MYO18B: variants seen among roughly 807,000 people sequenced by gnomAD.
MYO18B encodes the protein unconventional myosin-XVIIIb.
Under a neutral mutation model 273.0 loss-of-function variants are expected in MYO18B, and 204 were observed. That is an observed-to-expected ratio of 0.75 (90% CI 0.67 to 0.84). MYO18B has a LOEUF of 0.84. Ranked by LOEUF, MYO18B falls within the 40% of genes least tolerant of loss-of-function variation. The probability of loss-of-function intolerance (pLI) is 0.00; values close to 1 mark genes in which losing one functional copy is unlikely to be tolerated. For missense variants in MYO18B, 3,212 were observed against 3,287.6 expected (o/e 0.98, Z 0.56); for synonymous variants, 1,330 against 1,305.7 (o/e 1.02, Z -0.40).
At chr22:25,953,667 T>C (rs1601674556) in intron 38 of MYO18B, 1 of 152,304 alleles carries the variant, frequency 6.6e-6, no homozygotes, top group Non-Finnish European at 1.5e-5. Context: ...TCTACTATAT[T>C]TTAAATAATT....
At position 25,768,618 on chromosome 22, in the gene MYO18B, CGAG is replaced by C; in HGVS notation, c.707_709del (p.Glu236del). 1 of 1,525,288 alleles carries C rather than the reference CGAG, an allele frequency of 6.6e-7. No individual in the cohort carries two copies. The highest frequency in any genetic ancestry group is 2.3e-5 in the East Asian group (1 of 44,156). 94.5% of individuals were successfully genotyped at this position (1,525,288 alleles called of 1,614,324 possible). The stretch of plus-strand genomic sequence containing the variant: ...AAGGAACTGTGGCACTGAAAAAAGG[CGAG>C]GAGGGTCAAAGCATAGTGGGGAAGG... On this transcript the variant is annotated inframe_deletion, in exon 4 of 44. Coordinates refer to ENST00000335473, the MANE Select transcript of MYO18B (RefSeq NM_032608.7).
intron 5 of MYO18B, among the ~76,000 whole-genome samples, chr22:25,770,386 C>A (rs376232011): frequency 6.6e-6 from 1 of 152,194 alleles, no homozygotes; most frequent in Admixed American, 6.5e-5. Flanking sequence ...TTTCTTCCTA[C>A]GGCGTTCTTC....
Position 25,958,603 on chromosome 22 carries a change from C to G in MYO18B, c.6156+3239C>G, listed in dbSNP as rs545895616. On this transcript the variant is annotated intron_variant, in intron 39 of 43. Coordinates refer to ENST00000335473, the MANE Select transcript of MYO18B (RefSeq NM_032608.7). The stretch of plus-strand genomic sequence containing the variant: ...TATGAGCATGGCACAGGGATAGGCA[C>G]TGGTGAGGAAGGGCAAGGAATCATA... Among the ~76,000 whole-genome samples the G allele has an allele frequency of 5.3e-5, 8 of 152,246 alleles. No homozygotes were observed. In the South Asian group the frequency reaches 1.7e-3, roughly 32 times the overall value.
At chr22:26,035,014 C>T (rs940531312), downstream of MYO18B, among the ~76,000 whole-genome samples, 2 of 152,182 alleles carry the variant, frequency 1.3e-5, no homozygotes, top group African/African-American at 4.8e-5. Context: ...CTTGGAAATA[C>T]ATACATTGGC....
At chr22:25,867,113 G>T (rs1195785756) in intron 21 of MYO18B, among the ~76,000 whole-genome samples, 1 of 151,702 alleles carries the variant, frequency 6.6e-6, no homozygotes, top group Non-Finnish European at 1.5e-5. Flanking sequence ...AGTTTTTGTT[G>T]TGTGTGTGTA....
Position 26,027,016 on chromosome 22 carries a change from T to C in MYO18B, c.7042T>C (p.Phe2348Leu). 1 of 1,613,920 alleles carries C rather than the reference T, an allele frequency of 6.2e-7. No homozygotes were observed. The highest frequency in any genetic ancestry group is 8.5e-7 in the Non-Finnish European group (1 of 1,179,868). The change falls in exon 43 of 44, where the codon TTC (phenylalanine) becomes CTC (leucine). Residue 2348 changes from phenylalanine to leucine, a missense_variant. Physicochemically the swap from Phe to Leu is conservative, Grantham distance 22. Coordinates refer to ENST00000335473, the MANE Select transcript of MYO18B (RefSeq NM_032608.7). This position sits in a 1 kb window ranked among gnomAD's most constrained non-coding sequence, Gnocchi z 4.1. ...ACTCCCCGAAAAGTCGAAAACCCAA[T>C]TCAGTTCCTGCGAGTCCCTCTTAGA... ...TLLPEKSKTQFSSCESLLESR... is the reference protein window; with the variant it reads ...TLLPEKSKTQLSSCESLLESR...
At chr22:25,848,196 G>A (rs565326304) in intron 20 of MYO18B, among the ~76,000 whole-genome samples, 1 of 152,134 alleles carries the variant, frequency 6.6e-6, no homozygotes, top group African/African-American at 2.4e-5. Flanking sequence ...TGATGTTCAC[G>A]ATGCTCAGTT....
At chr22:25,876,103 C>T in intron 23 of MYO18B, 86 bp from the exon 24 acceptor site, 2 of 1,412,702 alleles carry the variant, frequency 1.4e-6, no homozygotes, top group Middle Eastern at 1.8e-4. Context: ...TCCTCCAGCC[C>T]CTTTGCTACC....
chr22:25,919,666 TTGTGTGTGTGTATGTGTG>T (rs926088460), intron 33 of MYO18B, among the ~76,000 whole-genome samples: 21 of 138,478 alleles, frequency 1.5e-4, no homozygotes, highest in Middle Eastern at 3.6e-3. Context: ...GCAGGTGAGA[TTGTGTGTGTGTATGTGTG>T]TGTGTGTGTG....
intron 42 of MYO18B, among the ~76,000 whole-genome samples, chr22:26,024,781 G>T (rs1936115951): frequency 6.6e-6 from 1 of 152,198 alleles, no homozygotes; most frequent in Non-Finnish European, 1.5e-5. Context: ...TGTCCTCAGG[G>T]GCGCTCAGGA....
intron 12 of MYO18B, among the ~76,000 whole-genome samples, chr22:25,806,689 T>A (rs1371282455): frequency 6.6e-6 from 1 of 152,208 alleles, no homozygotes; most frequent in East Asian, 1.9e-4. Flanking sequence ...CTTCTCTCCT[T>A]TGGCAAAAAG....
chr22:25,805,579 T>C (rs887610617), intron 12 of MYO18B, among the ~76,000 whole-genome samples: 14 of 152,286 alleles, frequency 9.2e-5, no homozygotes, highest in Admixed American at 9.1e-4. Context: ...TTCCCCATCC[T>C]TTCTACCCCG....
At chr22:25,746,810 A>G (rs1443962845) in intron 1 of MYO18B, among the ~76,000 whole-genome samples, 4 of 152,226 alleles carry the variant, frequency 2.6e-5, no homozygotes, top group South Asian at 2.1e-4. Flanking sequence ...AGGTAGCAAC[A>G]CAGTAGTGGA....
the MYO18B span, among the ~76,000 whole-genome samples, chr22:26,060,493 G>A: frequency 9.2e-5 from 14 of 152,362 alleles, no homozygotes; most frequent in East Asian, 2.1e-3. Context: ...GTGTGTTTGA[G>A]GCTCCTGGGT....
intron 42 of MYO18B, among the ~76,000 whole-genome samples, chr22:26,024,058 G>A (rs190292890): frequency 1.3e-5 from 2 of 152,252 alleles, no homozygotes; most frequent in East Asian, 1.9e-4. Context: ...TTCTTCTTAC[G>A]GTGAGACAGA....
chr22:25,842,154 G>T (rs909727603), intron 17 of MYO18B, among the ~76,000 whole-genome samples: 2 of 152,224 alleles, frequency 1.3e-5, no homozygotes, highest in East Asian at 3.8e-4. Context: ...AAAGGCTCAC[G>T]AAAGCCGCAG....
intron 7 of MYO18B, 29 bp from the exon 8 acceptor site, chr22:25,777,554 G>A (rs1246552951): frequency 1.9e-6 from 3 of 1,556,966 alleles, no homozygotes; most frequent in Non-Finnish European, 2.6e-6. Context: ...GGCTGGATGG[G>A]ATGGCTGATA....
chr22:25,906,137 C>T (rs2092037813), intron 31 of MYO18B, among the ~76,000 whole-genome samples: 1 of 152,186 alleles, frequency 6.6e-6, no homozygotes, highest in African/African-American at 2.4e-5. Flanking sequence ...CACCCATAAC[C>T]TCAGGCTGCA....
rs752502738 is a variant in MYO18B, at chr22:26,026,501, G to A, written c.6527G>A (p.Arg2176Lys). Reference sequence around the variant, plus strand: ...ACCCAGTCGGCATTGGCACTGAGCAGAGCCCGGTCCACCAATGTCCACAGC... The same window carrying A: ...ACCCAGTCGGCATTGGCACTGAGCAAAGCCCGGTCCACCAATGTCCACAGC... Reference protein sequence around the residue: ...ERTQSALALSRARSTNVHSKT... With the variant: ...ERTQSALALSKARSTNVHSKT... The change falls in exon 43 of 44, where the codon AGA (arginine) becomes AAA (lysine). Residue 2176 changes from arginine to lysine, a missense_variant. By Grantham distance (26) the Arg-to-Lys change is conservative. Transcript: ENST00000335473. 5.6e-6 allele frequency: 9 copies of A among 1,613,810 alleles called. No homozygotes were observed. The highest frequency in any genetic ancestry group is 2.7e-5 in the African/African-American group (2 of 74,908).
Sources: gnomAD v4.1 joint callset for allele counts (sites outside exome capture counted in the v4.1 genomes callset) on GRCh38, gnomAD v4.1.1 for gene constraint, Gnocchi (gnomAD v3.1) non-coding constraint, MANE v1.5 for transcripts, NCBI Gene and HGNC (gene_info 2026-07-23, HGNC 2026-07-21) for gene names.